Variants in DSG3 observed in about 807,000 individuals in gnomAD.
DSG3 encodes desmoglein 3, also known as desmoglein-3.
A neutral mutation model predicts 85.9 loss-of-function variants in DSG3; 63 were observed. The observed-to-expected ratio is 0.73, with a 90% CI of 0.60 to 0.90. The LOEUF is 0.90. DSG3 is among the 40% of genes least tolerant of loss of function. The pLI is 0.00. For synonymous variants in DSG3, 447 were observed against 441.9 expected (o/e 1.01, Z -0.14); for missense variants, 1,220 against 1,219.9 (o/e 1.00, Z 0.00).
intron 12 of DSG3, among the ~76,000 whole-genome samples, chr18:31,470,935 A>G (rs1356090878): frequency 6.6e-6 from 1 of 152,230 alleles, no homozygotes; most frequent in African/African-American, 2.4e-5. Context: ...CTACATACAC[A>G]TGCTGTGGTG....
chr18:31,463,101 A>G (rs150312110), intron 8 of DSG3, among the ~76,000 whole-genome samples: 1 of 152,284 alleles, frequency 6.6e-6, no homozygotes, highest in East Asian at 1.9e-4. Flanking sequence ...TGTTATCTGT[A>G]TTCAGCCTGC....
intron 3 of DSG3, 111 bp downstream of exon 3, chr18:31,457,235 A>G: frequency 1.0e-6 from 1 of 1,003,588 alleles, no homozygotes; most frequent in Non-Finnish European, 1.4e-6. Context: ...AGTCCACAGA[A>G]CAAGTGAACT....
intron 1 of DSG3, among the ~76,000 whole-genome samples, chr18:31,448,233 T>G (rs886911979): frequency 2.6e-5 from 4 of 152,202 alleles, no homozygotes; most frequent in South Asian, 4.1e-4. Flanking sequence ...TTCTTTAAAG[T>G]TATGCTTTTA....
At chr18:31,449,917 T>C (rs1354972871) in intron 1 of DSG3, among the ~76,000 whole-genome samples, 2 of 152,194 alleles carry the variant, frequency 1.3e-5, no homozygotes, top group African/African-American at 4.8e-5. Context: ...ATATACATCA[T>C]AATTTGAAGA....
chr18:31,457,577 CTTTCTTTCTTCT>C (rs1342686912), intron 3 of DSG3, among the ~76,000 whole-genome samples: 518 of 78,378 alleles, frequency 6.6e-3, no homozygotes, highest in East Asian at 0.022. Context: ...TTCTTTCTTT[CTTTCTTTCTTCT>C]TTCTTTCTTT....
chr18:31,454,411 A>G (rs1160507248), intron 1 of DSG3, among the ~76,000 whole-genome samples: 2 of 152,356 alleles, frequency 1.3e-5, no homozygotes, highest in South Asian at 2.1e-4. Flanking sequence ...GAGACATGTT[A>G]TAACCACAAG....
intron 1 of DSG3, 136 bp downstream of exon 1, chr18:31,448,061 C>G: frequency 1.8e-6 from 1 of 544,480 alleles, no homozygotes; most frequent in Non-Finnish European, 2.9e-6. Flanking sequence ...GAAATGAAAT[C>G]GTGAAGATTA....
At chr18:31,456,079 T>A (rs1222633858) in intron 1 of DSG3, among the ~76,000 whole-genome samples, 1 of 152,210 alleles carries the variant, frequency 6.6e-6, no homozygotes, top group East Asian at 1.9e-4. Context: ...TACCAATGTT[T>A]CCCAAAGCAA....
chr18:31,472,765 G>A lies in DSG3; in HGVS notation c.2078G>A (p.Gly693Glu). The change falls in exon 14 of 16, where the codon GGA becomes GAA. Residue 693 changes from glycine (G) to glutamate (E), a missense_variant. Physicochemically the swap from Gly to Glu is moderately conservative, Grantham distance 98. Transcript: ENST00000257189. Reference sequence around the variant, plus strand: ...TGTGTGCCTCCTGTAACAGCCAATGGAGCCGATTTCATGGAAAGTTCTGGT... The same window carrying A: ...TGTGTGCCTCCTGTAACAGCCAATGAAGCCGATTTCATGGAAAGTTCTGGT... ...NICVPPVTANGADFMESSEVC... is the reference protein window; with the variant it reads ...NICVPPVTANEADFMESSEVC... 1.9e-6 allele frequency: 3 copies of A among 1,614,062 alleles called. No homozygotes were observed. The highest frequency in any genetic ancestry group is 8.5e-7 in the Non-Finnish European group (1 of 1,179,966).
At position 31,477,854 on chromosome 18, in the gene DSG3, T is replaced by C. The variant is rs2072898857; in HGVS notation, c.*1594T>C. 1 of 152,262 alleles carries C rather than the reference T, an allele frequency of 6.6e-6. No homozygotes were observed. The highest frequency in any genetic ancestry group is 1.5e-5 in the Non-Finnish European group (1 of 68,044). The allele number at this position is 152,262 out of a possible 1,614,324, so 9.4% of individuals were successfully genotyped here. Reference sequence around the variant, plus strand: ...TCAGCCTCCATTATTCCTTACTGTATATAAAATACAGAGTTTTATATTTTC... The same window carrying C: ...TCAGCCTCCATTATTCCTTACTGTACATAAAATACAGAGTTTTATATTTTC... On this transcript the variant is annotated 3_prime_UTR_variant, in exon 16 of 16. Transcript: ENST00000257189.
intron 1 of DSG3, among the ~76,000 whole-genome samples, chr18:31,455,833 G>T (rs1193945855): frequency 6.6e-6 from 1 of 152,222 alleles, no homozygotes; most frequent in Admixed American, 6.5e-5. Flanking sequence ...GAGATGAACA[G>T]ATCCATGTCT....
Position 31,476,415 on chromosome 18 carries a change from TC to T in DSG3, c.*156del. 1.2e-6 allele frequency: 1 copy of T among 830,664 alleles called. No homozygotes were observed. Among genetic ancestry groups the T allele is most frequent in the South Asian group, 2.5e-5 (1 of 39,698 alleles). The allele number at this position is 830,664 out of a possible 1,614,324, so 51.5% of individuals were successfully genotyped here. ...ACGATTATAAATTAAATGTTTGGGT[TC>T]ATACCCCAAAAGCAATATGTTGTCA... On this transcript the variant is annotated 3_prime_UTR_variant, in exon 16 of 16. Coordinates refer to ENST00000257189, the MANE Select transcript of DSG3 (RefSeq NM_001944.3).
intron 11 of DSG3, among the ~76,000 whole-genome samples, chr18:31,467,215 C>T (rs1348688537): frequency 3.9e-5 from 6 of 152,112 alleles, no homozygotes; most frequent in Non-Finnish European, 7.4e-5. Context: ...CTGGCGCATG[C>T]CTGTAATCCC....
chr18:31,475,958 A>G lies in DSG3; in HGVS notation c.2698A>G (p.Thr900Ala). 1 of 1,614,206 alleles carries G rather than the reference A, an allele frequency of 6.2e-7. No homozygotes were observed. The highest frequency in any genetic ancestry group is 8.5e-7 in the Non-Finnish European group (1 of 1,180,036). ...GCAGACAGGATTTGTTAAGTGCCAG[A>G]CTTTGTCAGGAAGTCAAGGAGCTTC... ...VQQTGFVKCQ[T>A]LSGSQGASAL... The change falls in exon 16 of 16, where the codon ACT (threonine) becomes GCT (alanine). Residue 900 changes from threonine to alanine, a missense_variant. Coordinates refer to ENST00000257189, the MANE Select transcript of DSG3 (RefSeq NM_001944.3).
At chr18:31,458,128 G>A (rs1279578921) in intron 3 of DSG3, among the ~76,000 whole-genome samples, 1 of 152,054 alleles carries the variant, frequency 6.6e-6, no homozygotes, top group African/African-American at 2.4e-5. Context: ...TAAAGAGGGA[G>A]CCTTCAGGAG....
Position 31,472,237 on chromosome 18 carries a change from T to C in DSG3, c.1898-47T>C, listed in dbSNP as rs556964832. 2.5e-6 allele frequency: 4 copies of C among 1,612,882 alleles called. No homozygotes were observed. The South Asian group carries it at 4.4e-5, about 18-fold the overall frequency. On this transcript the variant is annotated intron_variant, in intron 12 of 15. Coordinates refer to ENST00000257189, the MANE Select transcript of DSG3 (RefSeq NM_001944.3). Reference sequence around the variant, plus strand: ...CTGAAAAATTATCACATTAAATAGTTCCTAAATTAGTCAAGTGTTCTGATG... The same window carrying C: ...CTGAAAAATTATCACATTAAATAGTCCCTAAATTAGTCAAGTGTTCTGATG...
intron 1 of DSG3, among the ~76,000 whole-genome samples, chr18:31,450,628 G>A (rs1237650152): frequency 6.6e-6 from 1 of 152,152 alleles, no homozygotes; most frequent in Admixed American, 6.5e-5. Context: ...GGGTTGCCCA[G>A]AACAGTGAGA....
chr18:31,458,059 C>G (rs1035950744), intron 3 of DSG3, among the ~76,000 whole-genome samples: 64 of 152,112 alleles, frequency 4.2e-4, no homozygotes, highest in Non-Finnish European at 2.4e-4. Flanking sequence ...CCCTTTTTGT[C>G]TCTCCACTTC....
At chr18:31,454,003 TA>T (rs2072726682) in intron 1 of DSG3, among the ~76,000 whole-genome samples, 1 of 151,898 alleles carries the variant, frequency 6.6e-6, no homozygotes, top group South Asian at 2.1e-4. Flanking sequence ...CTAAAACAAG[TA>T]GCCATTATAT....
Sources: allele counts gnomAD v4.1 joint callset (sites outside exome capture counted in the v4.1 genomes callset), GRCh38; gene constraint gnomAD v4.1.1; transcripts MANE v1.5; gene names NCBI Gene and HGNC (gene_info 2026-07-23, HGNC 2026-07-21).